The following ROBO2 variants were observed in gnomAD, a reference collection of about 807,000 sequenced individuals.
The protein encoded by ROBO2 is roundabout guidance receptor 2.
Under a neutral mutation model 160.8 loss-of-function variants are expected in ROBO2, and 53 were observed. The ratio of observed to expected loss-of-function variants is 0.33; its 90% CI spans 0.26 to 0.41. The LOEUF is 0.41. Ranked by LOEUF, ROBO2 falls within the 10% of genes least tolerant of loss-of-function variation. The pLI is 1.00. For synonymous variants in ROBO2, 664 were observed against 611.7 expected (o/e 1.09, Z -1.26); for missense variants, 1,577 against 1,722.4 (o/e 0.92, Z 1.49).
intron 2 of ROBO2, among the ~76,000 whole-genome samples, chr3:76,726,854 G>A (rs998641925): frequency 6.6e-6 from 1 of 152,080 alleles, no homozygotes; most frequent in Non-Finnish European, 1.5e-5. Context: ...TCATTCAGAG[G>A]AAAAAGCTAT....
chr3:77,455,446 T>G (rs990260024), intron 2 of ROBO2, among the ~76,000 whole-genome samples: 1 of 152,296 alleles, frequency 6.6e-6, no homozygotes, highest in African/African-American at 2.4e-5. Flanking sequence ...CGTTATACTC[T>G]TTTTCTTTTT....
chr3:76,468,395 C>G (rs1245161142), intron 2 of ROBO2, among the ~76,000 whole-genome samples: 2 of 152,038 alleles, frequency 1.3e-5, no homozygotes, highest in Non-Finnish European at 2.9e-5. Flanking sequence ...TTTCTATCAA[C>G]CTTAAAGCAC....
At chr3:76,040,082 A>G (rs949246989) in intron 2 of ROBO2, among the ~76,000 whole-genome samples, 16 of 151,984 alleles carry the variant, frequency 1.1e-4, no homozygotes, top group African/African-American at 2.9e-4. Context: ...AACATTTGCT[A>G]TTCAATTTAT....
At position 76,444,168 on chromosome 3, in the gene ROBO2, C is replaced by T. The variant is rs145337809; in HGVS notation, c.109+506566C>T. 9.3e-3 allele frequency among the ~76,000 whole-genome samples: 1,416 copies of T among 151,990 alleles called. 23 individuals carry two copies. The highest frequency in any genetic ancestry group is 0.032 in the African/African-American group (1,337 of 41,462). ...TTAATTTTTGTATTTTTAGTAGAGA[C>T]GGGGTCTCATCATGTTGGTCAGGCT... is the stretch of plus-strand genomic sequence containing the variant. On this transcript the variant is annotated intron_variant, in intron 2 of 26. Transcript: ENST00000487694.
chr3:76,400,436 C>A (rs543842846), intron 2 of ROBO2, among the ~76,000 whole-genome samples: 1 of 151,626 alleles, frequency 6.6e-6, no homozygotes, highest in East Asian at 1.9e-4. Context: ...TCATTATCAC[C>A]TTAGCTAGTT....
At chr3:76,458,672 A>C (rs2077915905) in intron 2 of ROBO2, among the ~76,000 whole-genome samples, 1 of 152,194 alleles carries the variant, frequency 6.6e-6, no homozygotes, top group African/African-American at 2.4e-5. Context: ...ACTGAGAAGA[A>C]AAAGGAGGTT....
intron 2 of ROBO2, among the ~76,000 whole-genome samples, chr3:76,525,020 C>T (rs978052795): frequency 6.6e-6 from 1 of 151,482 alleles, no homozygotes; most frequent in Non-Finnish European, 1.5e-5. Flanking sequence ...AAGAAAGAAA[C>T]ATACACAACA....
At chr3:76,047,867 A>G (rs765453971) in intron 2 of ROBO2, among the ~76,000 whole-genome samples, 1 of 152,242 alleles carries the variant, frequency 6.6e-6, no homozygotes, top group Non-Finnish European at 1.5e-5. Flanking sequence ...CTTTTAAAAT[A>G]TCAGTAAGGT....
intron 2 of ROBO2, among the ~76,000 whole-genome samples, chr3:77,231,271 A>G (rs922264183): frequency 3.3e-5 from 5 of 151,214 alleles, no homozygotes; most frequent in African/African-American, 1.2e-4. Context: ...GCTGAGACAC[A>G]AGAATCGCTT....
intron 2 of ROBO2, among the ~76,000 whole-genome samples, chr3:77,275,033 G>A (rs528227085): frequency 6.6e-6 from 1 of 152,146 alleles, no homozygotes; most frequent in South Asian, 2.1e-4. Context: ...ACATCTCTTA[G>A]ATTCATATTG....
chr3:76,797,486 C>T (rs1576673867), intron 2 of ROBO2, among the ~76,000 whole-genome samples: 1 of 151,386 alleles, frequency 6.6e-6, no homozygotes, highest in Non-Finnish European at 1.5e-5. Flanking sequence ...TAAAAAAGTA[C>T]AAAACCTTAA....
intron 2 of ROBO2, among the ~76,000 whole-genome samples, chr3:77,106,321 G>A (rs2072790803): frequency 6.6e-6 from 1 of 152,202 alleles, no homozygotes; most frequent in Non-Finnish European, 1.5e-5. Context: ...GGGATTACAG[G>A]TGTGAGCCAC....
chr3:75,961,230 T>C (rs2107277304), intron 2 of ROBO2, among the ~76,000 whole-genome samples: 1 of 151,840 alleles, frequency 6.6e-6, no homozygotes, highest in African/African-American at 2.4e-5. Context: ...ATTTCAAATG[T>C]AGTTTTTCAT....
At chr3:77,255,320 G>T (rs938868057) in intron 2 of ROBO2, among the ~76,000 whole-genome samples, 1 of 152,204 alleles carries the variant, frequency 6.6e-6, no homozygotes, top group Non-Finnish European at 1.5e-5. Flanking sequence ...ATTCTGTAAA[G>T]TGCGTGAAGT....
At chr3:77,598,186 T>A (rs1384454767) in intron 19 of ROBO2, among the ~76,000 whole-genome samples, 1 of 152,032 alleles carries the variant, frequency 6.6e-6, no homozygotes, top group Non-Finnish European at 1.5e-5. Flanking sequence ...TTCATATGTA[T>A]GAGTATATAA....
chr3:77,204,293 C>T (rs918778431), intron 2 of ROBO2, among the ~76,000 whole-genome samples: 2 of 152,102 alleles, frequency 1.3e-5, no homozygotes, highest in Non-Finnish European at 2.9e-5. Context: ...GTGCATGCAA[C>T]TAAAATATGT....
chr3:76,985,598 A>AG (rs2060334394), intron 2 of ROBO2, among the ~76,000 whole-genome samples: 1 of 150,798 alleles, frequency 6.6e-6, no homozygotes, highest in Non-Finnish European at 1.5e-5. Flanking sequence ...AAAAAAAAAA[A>AG]AAAAAAAGAA....
chr3:76,800,012 T>C (rs933002025), intron 2 of ROBO2, among the ~76,000 whole-genome samples: 1 of 152,206 alleles, frequency 6.6e-6, no homozygotes, highest in African/African-American at 2.4e-5. Flanking sequence ...GGTACTGGCA[T>C]AAAAACAGAC....
At chr3:77,207,735 T>C (rs1335802710) in intron 2 of ROBO2, among the ~76,000 whole-genome samples, 1 of 152,226 alleles carries the variant, frequency 6.6e-6, no homozygotes, top group East Asian at 1.9e-4. Context: ...CATAAGCTTT[T>C]AGTGTGCAGC....
Sources: allele counts gnomAD v4.1 joint callset (sites outside exome capture counted in the v4.1 genomes callset), GRCh38; gene constraint gnomAD v4.1.1; transcripts MANE v1.5; gene names NCBI Gene and HGNC (gene_info 2026-07-23, HGNC 2026-07-21).